Variants in AGPAT3 observed in about 807,000 individuals in gnomAD.
AGPAT3 encodes the protein 1-acylglycerol-3-phosphate O-acyltransferase 3.
Under a neutral mutation model 47.3 loss-of-function variants are expected in AGPAT3, and 5 were observed. The ratio of observed to expected loss-of-function variants is 0.11; its 90% CI spans 0.06 to 0.22. The LOEUF (loss-of-function observed/expected upper bound fraction) is 0.22. AGPAT3 is among the 10% of genes least tolerant of loss of function. AGPAT3 has a pLI of 1.00. For missense variants in AGPAT3, 315 were observed against 493.0 expected, an observed-to-expected ratio of 0.64 and a Z score of 3.42; for synonymous variants, 212 against 208.3, an observed-to-expected ratio of 1.02 and a Z score of -0.15.
chr21:43,916,070 A>G (rs1403285227), intron 2 of AGPAT3, among the ~76,000 whole-genome samples: 2 of 152,106 alleles, frequency 1.3e-5, no homozygotes, highest in Non-Finnish European at 2.9e-5. Flanking sequence ...CTGTTTTCTG[A>G]TTTTGTTACT....
chr21:43,980,915 C>T (rs1223512492), intron 8 of AGPAT3, 74 bp from the exon 9 acceptor site: 1 of 1,319,826 alleles, frequency 7.6e-7, no homozygotes, highest in South Asian at 1.3e-5. Flanking sequence ...TCATTGCCAA[C>T]AATCTTCTCC....
intron 8 of AGPAT3, among the ~76,000 whole-genome samples, chr21:43,979,166 G>A (rs1040727681): frequency 6.6e-6 from 1 of 152,060 alleles, no homozygotes; most frequent in East Asian, 1.9e-4. Flanking sequence ...TGGGCCTGGT[G>A]GCGCATGCCT....
At chr21:43,980,223 C>T (rs1441855470) in intron 8 of AGPAT3, among the ~76,000 whole-genome samples, 1 of 149,530 alleles carries the variant, frequency 6.7e-6, no homozygotes, top group Admixed American at 6.7e-5. Context: ...TTGCAGTGAG[C>T]CGAGATCGTA....
intron 2 of AGPAT3, among the ~76,000 whole-genome samples, chr21:43,956,348 C>T (rs1241980843): frequency 6.6e-6 from 1 of 152,182 alleles, no homozygotes; most frequent in African/African-American, 2.4e-5. Flanking sequence ...ACTGGCTCTA[C>T]TGCTGACTCC....
At chr21:43,971,033 A>G (rs899390524) in intron 6 of AGPAT3, among the ~76,000 whole-genome samples, 5 of 152,212 alleles carry the variant, frequency 3.3e-5, no homozygotes, top group African/African-American at 9.7e-5. Context: ...ACATAATGCA[A>G]AACCTTATGA....
Position 43,920,784 on chromosome 21 carries a change from A to G in AGPAT3, c.-49+16765A>G, listed in dbSNP as rs750463167. Among the ~76,000 whole-genome samples, 7 of 152,048 alleles carry G rather than the reference A, an allele frequency of 4.6e-5. No individual in the cohort carries two copies. Among genetic ancestry groups the G allele is most frequent in the East Asian group, 1.9e-4 (1 of 5,192 alleles). The stretch of plus-strand genomic sequence containing the variant: ...CTCCGAGCTCCCTGCCCCATACCTC[A>G]CCCTGTGCATCTCTTCATCTGTATC... On this transcript the variant is annotated intron_variant, in intron 2 of 9. Coordinates refer to ENST00000291572, the MANE Select transcript of AGPAT3 (RefSeq NM_020132.5). This position sits in a 1 kb window ranked among gnomAD's most constrained non-coding sequence, Gnocchi z 6.1.
At chr21:43,888,990 A>T (rs1254716181) in intron 1 of AGPAT3, among the ~76,000 whole-genome samples, 4 of 151,704 alleles carry the variant, frequency 2.6e-5, no homozygotes, top group African/African-American at 9.7e-5. Context: ...ACTTGTCTCA[A>T]AAAAAAAACA....
At chr21:43,979,077 C>T (rs181909295) in intron 8 of AGPAT3, among the ~76,000 whole-genome samples, 215 of 152,200 alleles carry the variant, frequency 1.4e-3, no homozygotes, top group African/African-American at 5.0e-3. Context: ...GTGGGCAGAT[C>T]ACCTGAGGTC....
At chr21:43,953,264 C>A (rs903731877) in intron 2 of AGPAT3, among the ~76,000 whole-genome samples, 1 of 152,206 alleles carries the variant, frequency 6.6e-6, no homozygotes, top group African/African-American at 2.4e-5. Context: ...TGCATCCCCG[C>A]AGCTAGGAAG....
chr21:43,897,981 A>C (rs555705828), intron 1 of AGPAT3, among the ~76,000 whole-genome samples: 1 of 152,088 alleles, frequency 6.6e-6, no homozygotes, highest in African/African-American at 2.4e-5. Flanking sequence ...AAATACAAAA[A>C]CCAGTCAGGC....
intron 7 of AGPAT3, among the ~76,000 whole-genome samples, chr21:43,974,061 G>A (rs940144018): frequency 1.3e-5 from 2 of 152,122 alleles, no homozygotes; most frequent in African/African-American, 2.4e-5. Flanking sequence ...GGGCATGTGT[G>A]GGTGTGTGTG....
chr21:43,962,204 G>A (rs553129851), intron 3 of AGPAT3, among the ~76,000 whole-genome samples: 3 of 152,088 alleles, frequency 2.0e-5, no homozygotes, highest in East Asian at 1.9e-4. Flanking sequence ...GGGTTTCACT[G>A]TGTTAGCCAG....
At position 43,922,701 on chromosome 21, in the gene AGPAT3, G is replaced by T. The variant is rs1264535305; in HGVS notation, c.-49+18682G>T. On this transcript the variant is annotated intron_variant, in intron 2 of 9. Transcript: ENST00000291572. This position sits in a 1 kb window ranked among gnomAD's most constrained non-coding sequence, Gnocchi z 4.9. The stretch of plus-strand genomic sequence containing the variant: ...GGCTTCCATGGGGTCTCCCAGCTCA[G>T]GGGCTGTGGCTCAGGAGCCATGTGC... 6.6e-6 allele frequency among the ~76,000 whole-genome samples: 1 copy of T among 151,900 alleles called. No homozygotes were observed. Among genetic ancestry groups the T allele is most frequent in the African/African-American group, 2.4e-5 (1 of 41,446 alleles).
chr21:43,875,862 C>A (rs962067853), intron 1 of AGPAT3, among the ~76,000 whole-genome samples: 4 of 152,264 alleles, frequency 2.6e-5, no homozygotes, highest in Non-Finnish European at 5.9e-5. Context: ...CCTGGCTTGG[C>A]CTCGCAAAGT....
chr21:43,907,462 A>G (rs1416401783), intron 2 of AGPAT3, among the ~76,000 whole-genome samples: 1 of 152,184 alleles, frequency 6.6e-6, no homozygotes, highest in African/African-American at 2.4e-5. Flanking sequence ...TCACACCTGT[A>G]ATCCCAGGAC....
At chr21:43,957,681 TC>T (rs2088551466) in intron 2 of AGPAT3, among the ~76,000 whole-genome samples, 1 of 142,300 alleles carries the variant, frequency 7.0e-6, no homozygotes, top group African/African-American at 2.7e-5. Context: ...GGTTTCCCCC[TC>T]CACAGGGGGG....
At chr21:43,941,284 A>G (rs1363509896) in intron 2 of AGPAT3, among the ~76,000 whole-genome samples, 2 of 152,184 alleles carry the variant, frequency 1.3e-5, no homozygotes, top group African/African-American at 4.8e-5. Flanking sequence ...TTTCTCTTCT[A>G]TAGATCCGAT....
intron 1 of AGPAT3, among the ~76,000 whole-genome samples, chr21:43,889,979 C>T (rs1444949516): frequency 6.6e-6 from 1 of 152,022 alleles, no homozygotes; most frequent in African/African-American, 2.4e-5. Flanking sequence ...GGATCCGTGT[C>T]CCTAAAATCT....
chr21:43,958,019 C>T (rs542753781), intron 2 of AGPAT3, among the ~76,000 whole-genome samples: 3 of 152,350 alleles, frequency 2.0e-5, no homozygotes, highest in African/African-American at 4.8e-5. Flanking sequence ...AATACGCACA[C>T]GAGTGTGGGA....
Sources: allele counts gnomAD v4.1 joint callset (sites outside exome capture counted in the v4.1 genomes callset), GRCh38; gene constraint gnomAD v4.1.1; non-coding constraint Gnocchi (gnomAD v3.1); transcripts MANE v1.5; gene names NCBI Gene and HGNC (gene_info 2026-07-23, HGNC 2026-07-21).